Variants in COL19A1 observed in about 807,000 individuals in gnomAD.
COL19A1 encodes collagen alpha-1(XIX) chain.
A neutral mutation model predicts 190.2 loss-of-function variants in COL19A1; 159 were observed. The ratio of observed to expected loss-of-function variants is 0.84; its 90% CI spans 0.73 to 0.95. The LOEUF (loss-of-function observed/expected upper bound fraction) is 0.95, where lower values mean the gene tolerates loss of function less well. Among genes scored for constraint, COL19A1 ranks in the 40% least tolerant of loss-of-function variants. The pLI is 0.00. For missense variants in COL19A1, 1,418 were observed against 1,431.9 expected (o/e 0.99, Z 0.16); for synonymous variants, 509 against 458.9 (o/e 1.11, Z -1.39).
At chr6:70,032,743 T>A (rs1053113280) in intron 12 of COL19A1, among the ~76,000 whole-genome samples, 1 of 152,158 alleles carries the variant, frequency 6.6e-6, no homozygotes, top group Non-Finnish European at 1.5e-5. Flanking sequence ...CATGTGGCTG[T>A]GGCTACCAGT....
At chr6:69,993,509 T>TTGAAGTAG (rs1776736472) in intron 11 of COL19A1, among the ~76,000 whole-genome samples, 1 of 152,156 alleles carries the variant, frequency 6.6e-6, no homozygotes, top group Admixed American at 6.6e-5. Context: ...CCTTAGTTTT[T>TTGAAGTAG]TGAAGTAGTT....
At chr6:70,118,860 G>A (rs985029402) in intron 16 of COL19A1, among the ~76,000 whole-genome samples, 12 of 152,074 alleles carry the variant, frequency 7.9e-5, no homozygotes, top group Admixed American at 2.0e-4. Flanking sequence ...GCACTGAGCC[G>A]TGCATATTCT....
At chr6:70,079,016 G>A (rs1003767696) in intron 15 of COL19A1, among the ~76,000 whole-genome samples, 5 of 152,256 alleles carry the variant, frequency 3.3e-5, no homozygotes, top group South Asian at 2.1e-4. Context: ...TCAGTGAGCC[G>A]AGCTCACATC....
At chr6:70,070,415 A>T (rs1781480455) in intron 15 of COL19A1, among the ~76,000 whole-genome samples, 2 of 152,168 alleles carry the variant, frequency 1.3e-5, no homozygotes, top group Non-Finnish European at 2.9e-5. Context: ...AGAGTAACAT[A>T]ATGTCAGAAA....
rs556451188 is a variant in COL19A1, at chr6:70,046,522, AT to A, written c.1170+10592del. 1.2e-4 allele frequency among the ~76,000 whole-genome samples: 18 copies of A among 151,048 alleles called. No individual in the cohort carries two copies. In the East Asian group the frequency reaches 1.9e-3, roughly 16 times the overall value. On this transcript the variant is annotated intron_variant, in intron 14 of 50. Coordinates refer to ENST00000620364, the MANE Select transcript of COL19A1 (RefSeq NM_001858.6). ...TTTCCAGAAAATTATCCAATATTCA[AT>A]TTTTTTTTAATGCAGAGTGCTGGCC...
chr6:69,944,352 G>A (rs1351067099), intron 9 of COL19A1, among the ~76,000 whole-genome samples: 2 of 152,054 alleles, frequency 1.3e-5, no homozygotes, highest in African/African-American at 4.8e-5. Flanking sequence ...AATAATAGGA[G>A]CTAAAAATAT....
At chr6:70,134,363 C>T (rs899306219) in intron 18 of COL19A1, among the ~76,000 whole-genome samples, 1 of 152,052 alleles carries the variant, frequency 6.6e-6, no homozygotes, top group Non-Finnish European at 1.5e-5. Context: ...TGTTTAGATA[C>T]TACCATAGAA....
chr6:69,943,700 T>C (rs1773614975), intron 9 of COL19A1, among the ~76,000 whole-genome samples: 1 of 152,128 alleles, frequency 6.6e-6, no homozygotes, highest in African/African-American at 2.4e-5. Context: ...CAAAAATCAG[T>C]TGGTTGTAAA....
chr6:70,154,763 A>G (rs1052788044), intron 31 of COL19A1, among the ~76,000 whole-genome samples: 3 of 152,174 alleles, frequency 2.0e-5, no homozygotes, highest in African/African-American at 7.2e-5. Context: ...CTGGCAAACC[A>G]CTAGTGTAAG....
intron 1 of COL19A1, among the ~76,000 whole-genome samples, chr6:69,874,287 G>A (rs7766395): frequency 0.2 from 30,692 of 152,088 alleles, 3,621 homozygotes; most frequent in East Asian, 0.34. Flanking sequence ...TCAACCTACC[G>A]GTGCCTCCAG....
At chr6:70,130,077 A>C in intron 17 of COL19A1, 105 bp from the exon 18 acceptor site, 1 of 1,157,378 alleles carries the variant, frequency 8.6e-7, no homozygotes, top group Non-Finnish European at 1.2e-6. Context: ...TATCCATAAA[A>C]AGCGGTTACA....
intron 4 of COL19A1, among the ~76,000 whole-genome samples, chr6:69,909,844 G>A (rs1770793902): frequency 6.6e-6 from 1 of 152,004 alleles, no homozygotes; most frequent in Non-Finnish European, 1.5e-5. Flanking sequence ...CCTCTCATAT[G>A]GTATCATATA....
intron 11 of COL19A1, among the ~76,000 whole-genome samples, chr6:69,988,682 C>T (rs888511730): frequency 6.6e-6 from 1 of 152,090 alleles, no homozygotes; most frequent in Non-Finnish European, 1.5e-5. Context: ...GTTGGAGATT[C>T]AAAACAAACC....
At chr6:69,926,124 T>C (rs1052424672) in intron 4 of COL19A1, among the ~76,000 whole-genome samples, 1 of 152,142 alleles carries the variant, frequency 6.6e-6, no homozygotes, top group African/African-American at 2.4e-5. Flanking sequence ...CAACACTATG[T>C]TGAATAGGAG....
intron 40 of COL19A1, 41 bp downstream of exon 40, chr6:70,168,722 T>A (rs1214787722): frequency 1.3e-5 from 21 of 1,606,346 alleles, no homozygotes; most frequent in Non-Finnish European, 1.7e-5. Flanking sequence ...AGAATATTGG[T>A]CTTTGTTAAA....
At chr6:70,187,317 T>A (rs1182358088) in intron 46 of COL19A1, among the ~76,000 whole-genome samples, 1 of 125,478 alleles carries the variant, frequency 8.0e-6, no homozygotes, top group African/African-American at 2.9e-5. Context: ...GGCACAGTGA[T>A]CACACTCAAC....
At chr6:69,868,904 T>C (rs751679380) in intron 1 of COL19A1, among the ~76,000 whole-genome samples, 4 of 152,014 alleles carry the variant, frequency 2.6e-5, no homozygotes, top group African/African-American at 4.8e-5. Flanking sequence ...GAAGAAGATA[T>C]GAAGTTAGAA....
At chr6:69,868,423 G>A (rs1767615920) in intron 1 of COL19A1, among the ~76,000 whole-genome samples, 1 of 152,096 alleles carries the variant, frequency 6.6e-6, no homozygotes. Flanking sequence ...ATCTCTTCAG[G>A]ATGAAAAAGA....
chr6:70,055,476 A>C (rs1274413352), intron 14 of COL19A1, among the ~76,000 whole-genome samples: 1 of 152,066 alleles, frequency 6.6e-6, no homozygotes, highest in Admixed American at 6.6e-5. Context: ...TTATTTAAAC[A>C]AATATAAAAT....
Sources: allele counts gnomAD v4.1 joint callset (sites outside exome capture counted in the v4.1 genomes callset), GRCh38; gene constraint gnomAD v4.1.1; transcripts MANE v1.5; gene names NCBI Gene and HGNC (gene_info 2026-07-23, HGNC 2026-07-21).